The following LRRC4C variants were observed in gnomAD, a reference collection of about 807,000 sequenced individuals.
LRRC4C encodes leucine-rich repeat-containing protein 4C.
LRRC4C carries 5 observed loss-of-function variants against 33.6 expected under a neutral mutation model. The ratio of observed to expected loss-of-function variants is 0.15; its 90% CI spans 0.08 to 0.31. LRRC4C has a LOEUF of 0.31. LRRC4C is among the 10% of genes least tolerant of loss of function. The probability of loss-of-function intolerance (pLI) is 1.00; values close to 1 mark genes in which losing one functional copy is unlikely to be tolerated. For synonymous variants in LRRC4C, 329 were observed against 302.0 expected, an observed-to-expected ratio of 1.09 and a Z score of -0.93; for missense variants, 560 against 796.7, an observed-to-expected ratio of 0.70 and a Z score of 3.58.
At chr11:40,680,050 C>T (rs1490701799) in intron 2 of LRRC4C, among the ~76,000 whole-genome samples, 3 of 152,160 alleles carry the variant, frequency 2.0e-5, no homozygotes, top group African/African-American at 2.4e-5. Context: ...TGGGAACCCA[C>T]CTCTTGTATC....
intron 2 of LRRC4C, among the ~76,000 whole-genome samples, chr11:40,666,345 G>C (rs1026634092): frequency 6.6e-6 from 1 of 152,070 alleles, no homozygotes; most frequent in Non-Finnish European, 1.5e-5. Flanking sequence ...GGGTATAAAC[G>C]TACTTCTGGA....
At chr11:40,643,751 T>G (rs1454165397) in intron 3 of LRRC4C, among the ~76,000 whole-genome samples, 1 of 151,996 alleles carries the variant, frequency 6.6e-6, no homozygotes, top group Non-Finnish European at 1.5e-5. Context: ...TCCATGCCAG[T>G]GGTAATAAAG....
At chr11:41,207,039 G>A (rs945202533) in intron 1 of LRRC4C, among the ~76,000 whole-genome samples, 2 of 152,112 alleles carry the variant, frequency 1.3e-5, no homozygotes, top group African/African-American at 4.8e-5. Context: ...TGTATAGCAT[G>A]TATTCCTTAT....
chr11:40,586,624 T>C (rs2135698993), intron 3 of LRRC4C, among the ~76,000 whole-genome samples: 1 of 149,718 alleles, frequency 6.7e-6, no homozygotes, highest in Admixed American at 6.7e-5. Context: ...CATTTAAGTC[T>C]TTAATCCATC....
chr11:40,258,286 G>C (rs1001966920), intron 4 of LRRC4C, among the ~76,000 whole-genome samples: 1 of 152,040 alleles, frequency 6.6e-6, no homozygotes, highest in African/African-American at 2.4e-5. Flanking sequence ...AGGAGTTCTG[G>C]AAATAAAAAC....
chr11:41,394,607 G>A (rs188861766), intron 1 of LRRC4C: 1 of 152,100 alleles, frequency 6.6e-6, no homozygotes, highest in East Asian at 1.9e-4. Flanking sequence ...TTGAAAGATA[G>A]GTTGTGAAGA....
chr11:40,654,308 TCCTAG>T (rs1942980005), intron 2 of LRRC4C, among the ~76,000 whole-genome samples: 1 of 152,066 alleles, frequency 6.6e-6, no homozygotes, highest in Non-Finnish European at 1.5e-5. Flanking sequence ...AGACACTCAA[TCCTAG>T]CCCATGAAAG....
chr11:40,133,562 T>C (rs12281243), intron 6 of LRRC4C, among the ~76,000 whole-genome samples: 33,403 of 152,102 alleles, frequency 0.22, 4,456 homozygotes, highest in African/African-American at 0.38. Flanking sequence ...TCTAAGTATA[T>C]TCTCTAACGC....
intron 5 of LRRC4C, among the ~76,000 whole-genome samples, chr11:40,186,992 C>G (rs1861454795): frequency 6.6e-6 from 1 of 152,184 alleles, no homozygotes; most frequent in Non-Finnish European, 1.5e-5. Flanking sequence ...GCAACTGCTG[C>G]CACTGACACA....
At chr11:41,022,145 TATATA>T (rs1856028517) in intron 1 of LRRC4C, among the ~76,000 whole-genome samples, 1 of 121,300 alleles carries the variant, frequency 8.2e-6, no homozygotes, top group East Asian at 2.0e-4. Flanking sequence ...TTTTGTTTTA[TATATA>T]TATATATATA....
chr11:40,863,426 C>T (rs1009791443), intron 2 of LRRC4C, among the ~76,000 whole-genome samples: 1 of 152,156 alleles, frequency 6.6e-6, no homozygotes, highest in Admixed American at 6.6e-5. Context: ...ACCACTTCCC[C>T]TTCTCTTTCC....
chr11:40,716,575 C>T (rs1050688637), intron 2 of LRRC4C, among the ~76,000 whole-genome samples: 14 of 152,178 alleles, frequency 9.2e-5, no homozygotes, highest in South Asian at 6.2e-4. Flanking sequence ...ACAGTACTTA[C>T]GACATTGCTC....
chr11:40,615,265 T>TATATATACACAC (rs1490740198), intron 3 of LRRC4C, among the ~76,000 whole-genome samples: 2 of 53,438 alleles, frequency 3.7e-5, no homozygotes, highest in African/African-American at 7.6e-5. Flanking sequence ...TATATATATA[T>TATATATACACAC]ACACACACAC....
chr11:40,584,637 A>T (rs1399627067), intron 3 of LRRC4C, among the ~76,000 whole-genome samples: 1 of 152,156 alleles, frequency 6.6e-6, no homozygotes, highest in East Asian at 1.9e-4. Context: ...TCAGGCAGAA[A>T]CATGAAAGAA....
chr11:40,203,426 C>A (rs1862914174), intron 5 of LRRC4C, among the ~76,000 whole-genome samples: 1 of 152,136 alleles, frequency 6.6e-6, no homozygotes, highest in Non-Finnish European at 1.5e-5. Context: ...GCTTTGTTGA[C>A]TTTTATACCT....
At chr11:41,112,976 G>T (rs1013018670) in intron 1 of LRRC4C, among the ~76,000 whole-genome samples, 1 of 152,030 alleles carries the variant, frequency 6.6e-6, no homozygotes, top group Admixed American at 6.6e-5. Flanking sequence ...TGGGTTAAAG[G>T]ATACAAACAC....
chr11:41,132,427 C>T (rs1943057538), intron 1 of LRRC4C, among the ~76,000 whole-genome samples: 1 of 152,004 alleles, frequency 6.6e-6, no homozygotes, highest in Non-Finnish European at 1.5e-5. Context: ...CAGAAACAGA[C>T]ATTTATAGAA....
At chr11:40,299,446 A>C (rs1201323964) in intron 4 of LRRC4C, among the ~76,000 whole-genome samples, 2 of 152,236 alleles carry the variant, frequency 1.3e-5, no homozygotes, top group African/African-American at 4.8e-5. Flanking sequence ...CTTGTGAAAA[A>C]GGAAAGTAGA....
At chr11:40,573,023 T>A (rs192250606) in intron 3 of LRRC4C, among the ~76,000 whole-genome samples, 1 of 152,176 alleles carries the variant, frequency 6.6e-6, no homozygotes, top group African/African-American at 2.4e-5. Context: ...ATTCATTGAT[T>A]AGGATTTAAA....
Sources: gnomAD v4.1 joint callset for allele counts (sites outside exome capture counted in the v4.1 genomes callset) on GRCh38, gnomAD v4.1.1 for gene constraint, MANE v1.5 for transcripts, NCBI Gene and HGNC (gene_info 2026-07-23, HGNC 2026-07-21) for gene names.